Variants in PRDM6 observed in about 807,000 individuals in gnomAD.
PRDM6 encodes the protein PR/SET domain 6, also known as putative histone-lysine N-methyltransferase PRDM6.
In PRDM6, 25 loss-of-function variants were observed where a neutral mutation model predicts 60.8. The observed-to-expected ratio is 0.41, with a 90% confidence interval of 0.30 to 0.57. The LOEUF (loss-of-function observed/expected upper bound fraction) is 0.57, where lower values mean the gene tolerates loss of function less well. PRDM6 is among the 20% of genes least tolerant of loss of function. The pLI, the probability that PRDM6 is intolerant of heterozygous loss-of-function variation, is 0.27. For synonymous variants in PRDM6, 407 were observed against 357.4 expected, an observed-to-expected ratio of 1.14 and a Z score of -1.57; for missense variants, 839 against 821.3, an observed-to-expected ratio of 1.02 and a Z score of -0.26.
chr5:123,147,279 A>G (rs6886162), intron 3 of PRDM6, among the ~76,000 whole-genome samples: 19,180 of 148,394 alleles, frequency 0.13, 2,543 homozygotes, highest in East Asian at 0.51. Flanking sequence ...TGATACTAAA[A>G]AGAGAGAGAG....
At chr5:123,142,277 A>G (rs1765122374) in intron 3 of PRDM6, among the ~76,000 whole-genome samples, 1 of 141,784 alleles carries the variant, frequency 7.1e-6, no homozygotes, top group South Asian at 2.3e-4. Context: ...GGGCTGGAGA[A>G]TCCCAAAGAT....
intron 3 of PRDM6, among the ~76,000 whole-genome samples, chr5:123,148,197 A>C (rs1372232881): frequency 2.0e-5 from 3 of 152,240 alleles, no homozygotes; most frequent in African/African-American, 7.2e-5. Context: ...ATTTTCTAAT[A>C]TTTCTGGAAC....
At chr5:123,183,104 A>G (rs531103331) in intron 7 of PRDM6, among the ~76,000 whole-genome samples, 3 of 152,360 alleles carry the variant, frequency 2.0e-5, no homozygotes, top group East Asian at 1.9e-4. Context: ...AGATTAGTCA[A>G]TAAAATGGGT....
At chr5:123,136,579 G>C (rs1375905759) in intron 3 of PRDM6, among the ~76,000 whole-genome samples, 1 of 152,034 alleles carries the variant, frequency 6.6e-6, no homozygotes, top group Non-Finnish European at 1.5e-5. Flanking sequence ...ACTCTATTTT[G>C]GAGCCTTTTG....
rs565399771 is a variant in PRDM6 at position 123,191,599 on chromosome 5, A to T, written c.*4398A>T. 1 of 152,336 alleles carries T rather than the reference A, an allele frequency of 6.6e-6. No individual in the cohort carries two copies. The highest frequency in any genetic ancestry group is 1.5e-5 in the Non-Finnish European group (1 of 68,026). The allele number at this position is 152,336 out of a possible 1,614,324, so 9.4% of individuals were successfully genotyped here. On this transcript the variant is annotated 3_prime_UTR_variant, in exon 8 of 8. Transcript: ENST00000407847. ...TATGCTTCTTTAAATGATAACTGTAAGTTCCAGAAATGTTATTCACTTGTC... is the reference window on the plus strand; with the variant it reads ...TATGCTTCTTTAAATGATAACTGTATGTTCCAGAAATGTTATTCACTTGTC...
chr5:123,129,909 A>G (rs551749301), intron 3 of PRDM6, among the ~76,000 whole-genome samples: 3 of 152,138 alleles, frequency 2.0e-5, no homozygotes, highest in Non-Finnish European at 2.9e-5. Context: ...TAAAAATAGC[A>G]TCTGCACTGA....
At chr5:123,128,868 T>C (rs1431886854) in intron 3 of PRDM6, among the ~76,000 whole-genome samples, 1 of 152,208 alleles carries the variant, frequency 6.6e-6, no homozygotes, top group Non-Finnish European at 1.5e-5. Flanking sequence ...TGGTATTGGC[T>C]AGGTTTTCTT....
chr5:123,104,474 T>C (rs566277462), intron 3 of PRDM6, among the ~76,000 whole-genome samples: 78 of 152,276 alleles, frequency 5.1e-4, no homozygotes, highest in African/African-American at 1.7e-3. Context: ...CATATTCTGC[T>C]TTATAGACTT....
At position 123,170,764 on chromosome 5, in the gene PRDM6, A is replaced by G; in HGVS notation, c.1154-2A>G. On this transcript the variant is annotated splice_acceptor_variant, in intron 5 of 7. Coordinates refer to ENST00000407847, the MANE Select transcript of PRDM6 (RefSeq NM_001136239.4). LOFTEE classifies it high-confidence loss of function. ...TCTTCTAAACTGTTGCTATTCTCCT[A>G]GTAAATGTCCCTTCAACGGTAATGG... The G allele has an allele frequency of 2.6e-6, 4 of 1,541,910 alleles. No individual in the cohort carries two copies. Among genetic ancestry groups the G allele is most frequent in the Non-Finnish European group, 3.5e-6 (4 of 1,140,244 alleles).
intron 3 of PRDM6, among the ~76,000 whole-genome samples, chr5:123,106,793 A>G (rs550600006): frequency 8.5e-5 from 13 of 152,336 alleles, no homozygotes; most frequent in Non-Finnish European, 1.9e-4. Flanking sequence ...AAAACAGAGG[A>G]ATCCATTAAA....
intron 2 of PRDM6, 82 bp downstream of exon 2, chr5:123,090,688 G>A: frequency 1.6e-6 from 1 of 616,960 alleles, no homozygotes; most frequent in East Asian, 7.5e-5. Context: ...AGGGAGGCGG[G>A]TCGGATAGGA....
chr5:123,182,060 G>A (rs1422282), intron 7 of PRDM6, among the ~76,000 whole-genome samples: 1 of 152,076 alleles, frequency 6.6e-6, no homozygotes, highest in East Asian at 1.9e-4. Context: ...AAGTGGGCAG[G>A]ATGGGGCCTA....
intron 3 of PRDM6, 114 bp downstream of exon 3, chr5:123,100,075 C>T: frequency 1.8e-6 from 2 of 1,134,854 alleles, no homozygotes; most frequent in Admixed American, 3.0e-5. Flanking sequence ...GAGAGCCTCC[C>T]TTGGCCCCCA....
rs765340342 is a variant in PRDM6, at chr5:123,190,885, C to T, written c.*3684C>T. On this transcript the variant is annotated 3_prime_UTR_variant, in exon 8 of 8. Transcript: ENST00000407847. ...CTGCTAGTAAAATGGGTATTTTAGTCCTTTAGACCATTGTCTCAGTGAAGT... is the reference window on the plus strand; with the variant it reads ...CTGCTAGTAAAATGGGTATTTTAGTTCTTTAGACCATTGTCTCAGTGAAGT... 2 of 152,104 alleles carry T rather than the reference C, an allele frequency of 1.3e-5. No individual in the cohort carries two copies. Among genetic ancestry groups the T allele is most frequent in the Non-Finnish European group, 2.9e-5 (2 of 68,030 alleles). 9.4% of individuals were successfully genotyped at this position (152,104 alleles called of 1,614,324 possible).
At chr5:123,120,207 AT>A (rs1176398351) in intron 3 of PRDM6, among the ~76,000 whole-genome samples, 1 of 152,224 alleles carries the variant, frequency 6.6e-6, no homozygotes, top group Admixed American at 6.5e-5. Flanking sequence ...AAAATGGAAA[AT>A]TTTAAAGAGG....
chr5:123,173,060 G>A (rs994692221), intron 6 of PRDM6, among the ~76,000 whole-genome samples: 14 of 152,028 alleles, frequency 9.2e-5, no homozygotes, highest in South Asian at 2.1e-4. Context: ...GCATGGTGGC[G>A]GGCACCTGTA....
intron 5 of PRDM6, among the ~76,000 whole-genome samples, chr5:123,169,870 G>A (rs796946538): frequency 6.6e-6 from 1 of 152,282 alleles, no homozygotes; most frequent in African/African-American, 2.4e-5. Flanking sequence ...GCTAATAAGA[G>A]GAAGAGGCAG....
intron 3 of PRDM6, among the ~76,000 whole-genome samples, chr5:123,107,884 T>C (rs1037283451): frequency 6.6e-6 from 1 of 152,236 alleles, no homozygotes; most frequent in African/African-American, 2.4e-5. Context: ...CATTTTTAGT[T>C]AGTTGTAAAA....
chr5:123,124,427 G>A (rs1468216756), intron 3 of PRDM6, among the ~76,000 whole-genome samples: 1 of 152,052 alleles, frequency 6.6e-6, no homozygotes, highest in Non-Finnish European at 1.5e-5. Context: ...AGACAGACAC[G>A]GGAAGTTTGG....
Sources: gnomAD v4.1 joint callset for allele counts (sites outside exome capture counted in the v4.1 genomes callset) on GRCh38, gnomAD v4.1.1 for gene constraint, MANE v1.5 for transcripts, NCBI Gene and HGNC (gene_info 2026-07-23, HGNC 2026-07-21) for gene names.